RBCK1: variants seen among roughly 807,000 people sequenced by gnomAD.
RBCK1 encodes RANBP2-type and C3HC4-type zinc finger containing 1.
RBCK1 carries 44 observed loss-of-function variants against 71.1 expected under a neutral mutation model. That is an observed-to-expected ratio of 0.62 (90% CI 0.49 to 0.80). The LOEUF (loss-of-function observed/expected upper bound fraction) is 0.80, where lower values mean the gene tolerates loss of function less well. RBCK1 is among the 30% of genes least tolerant of loss of function. The pLI is 0.00. For synonymous variants in RBCK1, 306 were observed against 279.7 expected (o/e 1.09, Z -0.94); for missense variants, 569 against 685.0 (o/e 0.83, Z 1.89).
chr20:417,620 G>A lies in RBCK1; in HGVS notation c.261+1G>A, dbSNP rs2016074347. 6.2e-7 allele frequency: 1 copy of A among 1,612,818 alleles called. No homozygotes were observed. Among genetic ancestry groups the A allele is most frequent in the African/African-American group, 1.3e-5 (1 of 74,908 alleles). ...GACAGTGGCGTCTCTCAAGGACATG[G>A]TGAGTGAGGAGGCGGAGGGCGACAC... On this transcript the variant is annotated splice_donor_variant, in intron 3 of 11. Transcript: ENST00000356286. LOFTEE classifies it high-confidence loss of function. The surrounding 1 kb of genome is among the most constrained non-coding windows in gnomAD (Gnocchi z 4.7).
In RBCK1 at chr20:408,544, A is replaced by G. The variant is rs2015504842; in HGVS notation, c.-214A>G. The G allele has an allele frequency of 3.2e-6, 2 of 629,278 alleles. No individual in the cohort carries two copies. The highest frequency in any genetic ancestry group is 5.6e-6 in the Non-Finnish European group (2 of 356,874). 39.0% of individuals were successfully genotyped at this position (629,278 alleles called of 1,614,324 possible). On this transcript the variant is annotated 5_prime_UTR_variant, in exon 1 of 12. Transcript: ENST00000356286. Reference sequence around the variant, plus strand: ...CTGTCTCGGCGCCCGCTGCCCTCTCACCGCCCCACGCAGGATCCCGGCCTG... The same window carrying G: ...CTGTCTCGGCGCCCGCTGCCCTCTCGCCGCCCCACGCAGGATCCCGGCCTG...
rs1184217493 is a variant in RBCK1 at position 420,988 on chromosome 20, G to A, written c.874G>A (p.Gly292Ser). 6 of 1,564,884 alleles carry A rather than the reference G, an allele frequency of 3.8e-6. No individual in the cohort carries two copies. The highest frequency in any genetic ancestry group is 5.2e-6 in the Non-Finnish European group (6 of 1,156,022). ...CPVCYSVLAP[G>S]EAVVLRECLH... ...CGTGTGCTACTCGGTGCTGGCGCCC[G>A]GCGAGGCCGTGGTGCTGCGTGAGTG... Residue 292 changes from glycine (G) to serine (S), a missense_variant, in exon 7 of 12, where the codon GGC becomes AGC. Around this residue, in one of 2 missense-constraint regions of RBCK1, gnomAD observed 211 missense variants for 309.4 expected, o/e 0.68. Transcript: ENST00000356286.
rs761165201 is a variant in RBCK1, at chr20:427,459, T to A, written c.1176T>A (p.Pro392=). 1.9e-6 allele frequency: 3 copies of A among 1,613,936 alleles called. No individual in the cohort carries two copies. Among genetic ancestry groups the A allele is most frequent in the Non-Finnish European group, 2.5e-6 (3 of 1,180,010 alleles). The change falls in exon 9 of 12, where the codon CCT becomes CCA. Residue 392 remains proline (P), a synonymous_variant. Coordinates refer to ENST00000356286, the MANE Select transcript of RBCK1 (RefSeq NM_031229.4). ...ATGATGTCAATGAGTTCACCTGCCC[T>A]GTGTGTTTCCACGTCAACTGCCTGC... ...FEDDVNEFTC[P]VCFHVNCLLC...
At chr20:414,960 T>G (rs558649571) in intron 2 of RBCK1, among the ~76,000 whole-genome samples, 1 of 152,360 alleles carries the variant, frequency 6.6e-6, no homozygotes, top group East Asian at 1.9e-4. Flanking sequence ...TGTCAATTCA[T>G]TGATAGTTGA....
chr20:420,540 C>A lies in RBCK1; in HGVS notation c.757-331C>A, dbSNP rs4331586. The A allele has an allele frequency of 6.1e-3, 5,978 of 983,358 alleles. 315 individuals are homozygous for A. In the African/African-American group the frequency reaches 0.098, roughly 16 times the overall value. 60.9% of individuals were successfully genotyped at this position (983,358 alleles called of 1,614,324 possible). A position where few individuals can be genotyped will look rare whatever the true frequency, so the allele number is the denominator to read the frequency against. Reference sequence around the variant, plus strand: ...ACTCAGACCCCGGCCCCCTTCCTTACCTTGCTGCCATTGCTGTCTCACCTG... The same window carrying A: ...ACTCAGACCCCGGCCCCCTTCCTTAACTTGCTGCCATTGCTGTCTCACCTG... On this transcript the variant is annotated intron_variant, in intron 6 of 11. Coordinates refer to ENST00000356286, the MANE Select transcript of RBCK1 (RefSeq NM_031229.4).
chr20:420,449 C>G (rs1233844030), intron 6 of RBCK1: 1 of 954,990 alleles, frequency 1.0e-6, no homozygotes, highest in East Asian at 1.2e-4. Context: ...TCGTCACTTC[C>G]CCACCCCTGA....
At position 412,987 on chromosome 20, in the gene RBCK1, G is replaced by A. The variant is rs139043551; in HGVS notation, c.167+2962G>A. Among the ~76,000 whole-genome samples, 144 of 152,248 alleles carry A rather than the reference G, an allele frequency of 9.5e-4. No homozygotes were observed. In the Middle Eastern group the frequency reaches 0.024, roughly 25 times the overall value. ...ATATAAGGTGTGAGGTAAGGGTCCA[G>A]CTTCATTCTTTTGCACGTGGATATT... On this transcript the variant is annotated intron_variant, in intron 2 of 11. Transcript: ENST00000356286.
In RBCK1 at chr20:422,151, C is replaced by A; in HGVS notation, c.942C>A (p.Arg314=). ...GGGAGTGCCTGCAGGGCACCATCCG[C>A]AACAGCCAGGAGGCGGAGGTCTCCT... The part of the protein sequence containing the change: ...FCRECLQGTI[R]NSQEAEVSCP... Residue 314 remains arginine (R), a synonymous_variant, in exon 8 of 12, where the codon CGC becomes CGA. Transcript: ENST00000356286. The surrounding 1 kb of genome is among the most constrained non-coding windows in gnomAD (Gnocchi z 5.0). The A allele has an allele frequency of 1.9e-6, 3 of 1,612,682 alleles. No homozygotes were observed. The highest frequency in any genetic ancestry group is 2.5e-6 in the Non-Finnish European group (3 of 1,179,868).
At chr20:413,901 A>T (rs2015843251) in intron 2 of RBCK1, among the ~76,000 whole-genome samples, 1 of 148,498 alleles carries the variant, frequency 6.7e-6, no homozygotes, top group African/African-American at 2.5e-5. Flanking sequence ...CTTTAAAAAG[A>T]TAAGAGACAA....
chr20:431,092 T>C lies in RBCK1; in HGVS notation c.*662T>C, dbSNP rs571253146. 14 of 152,434 alleles carry C rather than the reference T, an allele frequency of 9.2e-5. No homozygotes were observed. The highest frequency in any genetic ancestry group is 9.1e-4 in the Admixed American group (14 of 15,302). The allele number at this position is 152,434 out of a possible 1,614,324, so 9.4% of individuals were successfully genotyped here. ...ACTTGTCAGTCCATCTGTGGTAGAATGAGGCTGTGACTGAGCACTGGGACC... is the reference window on the plus strand; with the variant it reads ...ACTTGTCAGTCCATCTGTGGTAGAACGAGGCTGTGACTGAGCACTGGGACC... On this transcript the variant is annotated 3_prime_UTR_variant, in exon 12 of 12. Transcript: ENST00000356286. The surrounding 1 kb of genome is among the most constrained non-coding windows in gnomAD (Gnocchi z 4.8).
rs755353013 is a variant in RBCK1 at position 410,012 on chromosome 20, A to G, written c.154A>G (p.Thr52Ala). Reference sequence around the variant, plus strand: ...GCAACTGAAGCCTGAGGTCTCCCCAACGCAGGACATCAGGTGAGGAGTGCA... The same window carrying G: ...GCAACTGAAGCCTGAGGTCTCCCCAGCGCAGGACATCAGGTGAGGAGTGCA... ...SVQLKPEVSP[T>A]QDIRLWVSVE... Residue 52 changes from threonine (T) to alanine (A), a missense_variant, in exon 2 of 12, where the codon ACG becomes GCG. This residue lies in a region of RBCK1 where 358 missense variants were observed against 375.6 expected (regional missense o/e 0.95). Coordinates refer to ENST00000356286, the MANE Select transcript of RBCK1 (RefSeq NM_031229.4). The G allele has an allele frequency of 2.3e-5, 37 of 1,613,910 alleles. No individual in the cohort carries two copies. The Middle Eastern group carries it at 6.6e-4, about 29-fold the overall frequency.
Position 428,633 on chromosome 20 carries a change from G to T in RBCK1, c.1308+44G>T. 2 of 1,549,374 alleles carry T rather than the reference G, an allele frequency of 1.3e-6. No individual in the cohort carries two copies. Among genetic ancestry groups the T allele is most frequent in the Non-Finnish European group, 1.7e-6 (2 of 1,145,520 alleles). On this transcript the variant is annotated intron_variant, in intron 10 of 11. Coordinates refer to ENST00000356286, the MANE Select transcript of RBCK1 (RefSeq NM_031229.4). The surrounding 1 kb of genome is among the most constrained non-coding windows in gnomAD (Gnocchi z 5.7). The stretch of plus-strand genomic sequence containing the variant: ...CGAGGCCTAGGGATTTTAAGTTCTG[G>T]GATCCAGGTGGGGGCTGGGGGCTTC...
chr20:410,668 G>T lies in RBCK1; in HGVS notation c.167+643G>T, dbSNP rs913575859. The T allele has an allele frequency of 8.7e-6, 6 of 693,208 alleles. No homozygotes were observed. The African/African-American group carries it at 1.0e-4, about 12-fold the overall frequency. 42.9% of individuals were successfully genotyped at this position (693,208 alleles called of 1,614,324 possible). A position where few individuals can be genotyped will look rare whatever the true frequency, so the allele number is the denominator to read the frequency against. On this transcript the variant is annotated intron_variant, in intron 2 of 11. Coordinates refer to ENST00000356286, the MANE Select transcript of RBCK1 (RefSeq NM_031229.4). ...GGAAGGGAAGAGAATGGATACTGTC[G>T]GTCTGTGCTCCAGGAGACTTAAACT...
rs2016483893 is a variant in RBCK1 at position 422,301 on chromosome 20, A to T, written c.1029+63A>T. On this transcript the variant is annotated intron_variant, in intron 8 of 11. Coordinates refer to ENST00000356286, the MANE Select transcript of RBCK1 (RefSeq NM_031229.4). The surrounding 1 kb of genome is among the most constrained non-coding windows in gnomAD (Gnocchi z 5.0). ...ACTCCTAAGGAACTGGGCCCTGAGC[A>T]GGCAGCAGACATCTTTCTTTTCTTT... The T allele has an allele frequency of 2.3e-6, 3 of 1,327,080 alleles. No homozygotes were observed. In the Admixed American group the frequency reaches 5.7e-5, roughly 25 times the overall value. The allele number at this position is 1,327,080 out of a possible 1,614,324, so 82.2% of individuals were successfully genotyped here. A position where few individuals can be genotyped will look rare whatever the true frequency, so the allele number is the denominator to read the frequency against.
intron 8 of RBCK1, among the ~76,000 whole-genome samples, chr20:427,020 A>C (rs2016762587): frequency 6.6e-6 from 1 of 151,330 alleles, no homozygotes; most frequent in African/African-American, 2.4e-5. Flanking sequence ...TTTTTGGTAG[A>C]GATGAGGTCT....
Position 429,138 on chromosome 20 carries a change from G to A in RBCK1, c.1452+44G>A, listed in dbSNP as rs76224515. The A allele has an allele frequency of 5.8e-4, 921 of 1,576,740 alleles. 6 individuals carry two copies. The African/African-American group carries it at 0.012, about 20-fold the overall frequency. ...TGGTGTGGAGAGGGTGCCCTTGTGG[G>A]CTTTGCCTTAGAGGAGGGCTGGGAA... is the stretch of plus-strand genomic sequence containing the variant. On this transcript the variant is annotated intron_variant, in intron 11 of 11. Transcript: ENST00000356286.
chr20:419,908 T>G (rs2016281938), intron 6 of RBCK1, 177 bp downstream of exon 6: 1 of 1,408,344 alleles, frequency 7.1e-7, no homozygotes, highest in African/African-American at 1.5e-5. Context: ...TGACCTGCCC[T>G]CTCTCAAAGG....
chr20:428,468 C>G lies in RBCK1; in HGVS notation c.1210-23C>G, dbSNP rs368582438. On this transcript the variant is annotated intron_variant, in intron 9 of 11. Transcript: ENST00000356286. The surrounding 1 kb of genome is among the most constrained non-coding windows in gnomAD (Gnocchi z 5.7). ...TTAACCCCCTGAGGAACCTTCTTAC[C>G]TTGAGTCCCTCACCCGCTACAGGCC... 4 of 1,561,166 alleles carry G rather than the reference C, an allele frequency of 2.6e-6. No homozygotes were observed. Among genetic ancestry groups the G allele is most frequent in the Non-Finnish European group, 2.6e-6 (3 of 1,150,468 alleles).
rs376976830 is a variant in RBCK1 at position 425,286 on chromosome 20, C to G, written c.1030-2027C>G. ...TCGGCCTCCCAAAGTGCTAGGATTA[C>G]AGGCGTGAGCCACCGTGCCCAGCCA... On this transcript the variant is annotated intron_variant, in intron 8 of 11. Transcript: ENST00000356286. Among the ~76,000 whole-genome samples, 15 of 152,336 alleles carry G rather than the reference C, an allele frequency of 9.8e-5. No individual in the cohort carries two copies. In the East Asian group the frequency reaches 2.7e-3, roughly 27 times the overall value.
Sources: allele counts gnomAD v4.1 joint callset (sites outside exome capture counted in the v4.1 genomes callset), GRCh38; gene constraint gnomAD v4.1.1; regional missense constraint gnomAD v4.1.1; non-coding constraint Gnocchi (gnomAD v3.1); transcripts MANE v1.5; gene names NCBI Gene and HGNC (gene_info 2026-07-23, HGNC 2026-07-21).